Variants in PLXNA2 observed in about 807,000 individuals in gnomAD.
PLXNA2 encodes plexin A2.
In PLXNA2, 91 loss-of-function variants were observed where a neutral mutation model predicts 193.5. That is an observed-to-expected ratio of 0.47 (90% confidence interval 0.40 to 0.56). The LOEUF (loss-of-function observed/expected upper bound fraction) is 0.56. PLXNA2 is among the 20% of genes least tolerant of loss of function. The probability of loss-of-function intolerance (pLI) is 0.00; values close to 1 mark genes in which losing one functional copy is unlikely to be tolerated. For synonymous variants in PLXNA2, 997 were observed against 1,027.3 expected (o/e 0.97, Z 0.56); for missense variants, 1,995 against 2,503.2 (o/e 0.80, Z 4.33).
At chr1:208,226,270 C>T (rs1018738857) in intron 1 of PLXNA2, among the ~76,000 whole-genome samples, 2 of 152,158 alleles carry the variant, frequency 1.3e-5, no homozygotes, top group African/African-American at 4.8e-5. Context: ...AGATCTCTCT[C>T]ACTCCCACCC....
At chr1:208,218,089 G>C in intron 1 of PLXNA2, 87 bp from the exon 2 acceptor site, 2 of 1,156,382 alleles carry the variant, frequency 1.7e-6, no homozygotes, top group Non-Finnish European at 2.4e-6. Context: ...CCCCATCCTG[G>C]TTTAGCTCTG....
intron 1 of PLXNA2, among the ~76,000 whole-genome samples, chr1:208,240,131 C>G (rs906077922): frequency 2.0e-5 from 3 of 152,222 alleles, no homozygotes; most frequent in Admixed American, 6.5e-5. Flanking sequence ...TTCCTCCTCT[C>G]CCCTTACACT....
At chr1:208,111,681 A>G (rs1667480989) in intron 4 of PLXNA2, among the ~76,000 whole-genome samples, 1 of 152,228 alleles carries the variant, frequency 6.6e-6, no homozygotes, top group African/African-American at 2.4e-5. Context: ...GGTTTTTCCT[A>G]TGAATCAGCT....
intron 4 of PLXNA2, among the ~76,000 whole-genome samples, chr1:208,140,095 C>T (rs1308357753): frequency 6.6e-6 from 1 of 152,178 alleles, no homozygotes; most frequent in Non-Finnish European, 1.5e-5. Context: ...CTAAACCCCT[C>T]TGTTTGGTGT....
intron 3 of PLXNA2, among the ~76,000 whole-genome samples, chr1:208,149,758 T>G (rs938388791): frequency 6.6e-6 from 1 of 152,100 alleles, no homozygotes; most frequent in Admixed American, 6.5e-5. Flanking sequence ...ATGACCCGAA[T>G]TATTTATAGA....
At chr1:208,080,823 AG>A (rs531494431) in intron 11 of PLXNA2, among the ~76,000 whole-genome samples, 1 of 152,328 alleles carries the variant, frequency 6.6e-6, no homozygotes, top group African/African-American at 2.4e-5. Flanking sequence ...TCCACTTCAC[AG>A]ATAAGGAGAC....
intron 3 of PLXNA2, among the ~76,000 whole-genome samples, chr1:208,193,616 C>T (rs542710815): frequency 6.6e-6 from 1 of 152,314 alleles, no homozygotes; most frequent in African/African-American, 2.4e-5. Flanking sequence ...ATTATCTTAG[C>T]ATTTAAGAGA....
intron 3 of PLXNA2, among the ~76,000 whole-genome samples, chr1:208,160,911 A>G (rs1234606120): frequency 6.6e-6 from 1 of 152,274 alleles, no homozygotes; most frequent in African/African-American, 2.4e-5. Context: ...TTGTAGAGAC[A>G]GGAAGGAATT....
intron 20 of PLXNA2, 101 bp from the exon 21 acceptor site, chr1:208,043,304 TAG>T: frequency 1.8e-6 from 2 of 1,136,100 alleles, no homozygotes; most frequent in East Asian, 2.4e-5. Context: ...GGACCTTTTG[TAG>T]AGACTCTGAG....
intron 2 of PLXNA2, 100 bp downstream of exon 2, chr1:208,216,635 G>A: frequency 7.2e-7 from 1 of 1,379,434 alleles, no homozygotes; most frequent in Admixed American, 2.2e-5. Context: ...TTCATTTCAG[G>A]TCCATGGTGG....
intron 22 of PLXNA2, among the ~76,000 whole-genome samples, chr1:208,041,288 G>A (rs1469563248): frequency 6.6e-6 from 1 of 152,196 alleles, no homozygotes; most frequent in Non-Finnish European, 1.5e-5. Context: ...GGTGGTGAAC[G>A]GAGGTGCAGC....
chr1:208,134,776 A>G lies in PLXNA2; in HGVS notation c.1506+7553T>C, dbSNP rs183078846. On this transcript the variant is annotated intron_variant, in intron 4 of 31. Transcript: ENST00000367033. The stretch of plus-strand genomic sequence containing the variant: ...TGGGAAGCCTTATCGCCTGGACTAA[A>G]CAAATGTGCACAATCAAAATAATAG... 3.8e-3 allele frequency among the ~76,000 whole-genome samples: 582 copies of G among 152,300 alleles called. 4 individuals carry two copies. Among genetic ancestry groups the G allele is most frequent in the African/African-American group, 0.012 (502 of 41,562 alleles).
rs1409644892 is a variant in PLXNA2, at chr1:208,233,979, G to T, written c.-81+9664C>A. Among the ~76,000 whole-genome samples the T allele has an allele frequency of 3.3e-5, 5 of 152,298 alleles. No homozygotes were observed. The South Asian group carries it at 8.3e-4, about 25-fold the overall frequency. On this transcript the variant is annotated intron_variant, in intron 1 of 31. Coordinates refer to ENST00000367033, the MANE Select transcript of PLXNA2 (RefSeq NM_025179.4). ...GGGCCGGCAGATGGGAAGAGAAGAG[G>T]AGAGGTCAGTTCTCACAGGGAATAC...
rs777000677 is a variant in PLXNA2 at position 208,217,119 on chromosome 1, G to C, written c.804C>G (p.Ile268Met). 8.1e-6 allele frequency: 13 copies of C among 1,614,052 alleles called. No homozygotes were observed. Among genetic ancestry groups the C allele is most frequent in the Middle Eastern group, 1.6e-4 (1 of 6,084 alleles). The change falls in exon 2 of 32, where the codon ATC (isoleucine) becomes ATG (methionine). Residue 268 changes from isoleucine to methionine, a missense_variant. Transcript: ENST00000367033. The surrounding 1 kb of genome is among the most constrained non-coding windows in gnomAD (Gnocchi z 4.7). ...VQPETPEGVA[I>M]NSAGDLFYTS... ...TGTAGAAGAGGTCTCCAGCGGAGTT[G>C]ATGGCCACACCCTCAGGGGTCTCGG...
chr1:208,037,997 G>C (rs556493720), intron 26 of PLXNA2, among the ~76,000 whole-genome samples: 1 of 152,242 alleles, frequency 6.6e-6, no homozygotes, highest in African/African-American at 2.4e-5. Context: ...ATGCTAAAGA[G>C]AGAAAGTGCC....
chr1:208,157,972 A>G (rs1008123740), intron 3 of PLXNA2, among the ~76,000 whole-genome samples: 1 of 152,234 alleles, frequency 6.6e-6, no homozygotes, highest in Non-Finnish European at 1.5e-5. Flanking sequence ...TTTCCACACC[A>G]TCCTTGTCCC....
Position 208,045,084 on chromosome 1 carries a change from C to G in PLXNA2, c.3622G>C (p.Gly1208Arg), listed in dbSNP as rs762166105. Reference protein sequence around the residue: ...QLLCEPPNLTGQHKVMVHVGG... With the variant: ...QLLCEPPNLTRQHKVMVHVGG... ...TCACTCACCATGACCTTGTGCTGCC[C>G]GGTGAGGTTGGGAGGCTCGCAGAGA... The change falls in exon 19 of 32, where the codon GGG becomes CGG. Residue 1208 changes from glycine (G) to arginine (R), a missense_variant. This residue lies in a region of PLXNA2 where 1,291 missense variants were observed against 1,673.6 expected (regional missense o/e 0.77). Transcript: ENST00000367033. 2 of 1,613,998 alleles carry G rather than the reference C, an allele frequency of 1.2e-6. No individual in the cohort carries two copies. The highest frequency in any genetic ancestry group is 1.1e-5 in the South Asian group (1 of 91,064).
At position 208,027,327 on chromosome 1, in the gene PLXNA2, G is replaced by A; in HGVS notation, c.5601C>T (p.Ala1867=). ...VSKYSEELIG[A]LEQDEQARRQ... ...GCCGTGCCTGCTCATCCTGCTCTAGGGCCCCGATGAGCTGAGGAGCAAAAA... is the reference window on the plus strand; with the variant it reads ...GCCGTGCCTGCTCATCCTGCTCTAGAGCCCCGATGAGCTGAGGAGCAAAAA... Residue 1867 remains alanine, a synonymous_variant, in exon 32 of 32, where the codon GCC becomes GCT. Transcript: ENST00000367033. 1 of 1,612,876 alleles carries A rather than the reference G, an allele frequency of 6.2e-7. No homozygotes were observed. The highest frequency in any genetic ancestry group is 1.6e-4 in the Middle Eastern group (1 of 6,062).
intron 12 of PLXNA2, among the ~76,000 whole-genome samples, chr1:208,062,860 C>A (rs1414246303): frequency 6.6e-6 from 1 of 152,312 alleles, no homozygotes; most frequent in East Asian, 1.9e-4. Context: ...TCCACCCTGG[C>A]TGTTCCAGTC....
Sources: allele counts gnomAD v4.1 joint callset (sites outside exome capture counted in the v4.1 genomes callset), GRCh38; gene constraint gnomAD v4.1.1; regional missense constraint gnomAD v4.1.1; non-coding constraint Gnocchi (gnomAD v3.1); transcripts MANE v1.5; gene names NCBI Gene and HGNC (gene_info 2026-07-23, HGNC 2026-07-21).